GALNT18: variants seen among roughly 807,000 people sequenced by gnomAD.
The protein encoded by GALNT18 is GalNAc-transferase 18.
In GALNT18, 44 loss-of-function variants were observed where a neutral mutation model predicts 69.5. The observed-to-expected ratio is 0.63, with a 90% CI of 0.50 to 0.81. GALNT18 has a LOEUF of 0.81. GALNT18 is among the 40% of genes least tolerant of loss of function. The pLI is 0.00. For synonymous variants in GALNT18, 364 were observed against 318.2 expected (o/e 1.14, Z -1.53); for missense variants, 715 against 810.0 (o/e 0.88, Z 1.42).
chr11:11,362,371 C>T (rs1850662328), intron 6 of GALNT18, among the ~76,000 whole-genome samples: 1 of 151,976 alleles, frequency 6.6e-6, no homozygotes, highest in Admixed American at 6.6e-5. Flanking sequence ...GCAAAACAAA[C>T]AAACAAACAA....
intron 1 of GALNT18, among the ~76,000 whole-genome samples, chr11:11,472,701 TA>T (rs1419853055): frequency 3.3e-5 from 5 of 152,204 alleles, no homozygotes; most frequent in African/African-American, 1.2e-4. Flanking sequence ...AAACACAAAC[TA>T]AATGCCAGAC....
At chr11:11,559,590 G>A (rs1053141758) in intron 1 of GALNT18, among the ~76,000 whole-genome samples, 12 of 151,808 alleles carry the variant, frequency 7.9e-5, no homozygotes, top group Non-Finnish European at 1.6e-4. Flanking sequence ...AAATGGGATA[G>A]GATGGGATAG....
chr11:11,498,745 G>C (rs1156483693), intron 1 of GALNT18, among the ~76,000 whole-genome samples: 1 of 152,196 alleles, frequency 6.6e-6, no homozygotes, highest in African/African-American at 2.4e-5. Context: ...GTTGCAATGA[G>C]CCAAGATCAT....
chr11:11,307,039 G>A (rs757841719), intron 9 of GALNT18, among the ~76,000 whole-genome samples: 12 of 152,154 alleles, frequency 7.9e-5, no homozygotes, highest in Non-Finnish European at 1.8e-4. Context: ...CACTCCAGCC[G>A]ACTGTCAGCC....
At chr11:11,460,454 G>A (rs190483189) in intron 1 of GALNT18, among the ~76,000 whole-genome samples, 23 of 152,316 alleles carry the variant, frequency 1.5e-4, no homozygotes, top group Admixed American at 7.2e-4. Flanking sequence ...AACACACCCC[G>A]TACAATCTGG....
At chr11:11,334,386 C>CAAA (rs1481271494) in intron 7 of GALNT18, among the ~76,000 whole-genome samples, 1 of 151,650 alleles carries the variant, frequency 6.6e-6, no homozygotes, top group Non-Finnish European at 1.5e-5. Context: ...ACTAAAAATA[C>CAAA]AAAAAAATTA....
At chr11:11,460,405 G>A (rs998437226) in intron 1 of GALNT18, among the ~76,000 whole-genome samples, 1 of 152,194 alleles carries the variant, frequency 6.6e-6, no homozygotes, top group Non-Finnish European at 1.5e-5. Context: ...ACTACTCTGA[G>A]CAAAATGGCT....
intron 9 of GALNT18, among the ~76,000 whole-genome samples, chr11:11,302,100 T>C: frequency 6.6e-6 from 1 of 152,030 alleles, no homozygotes; most frequent in African/African-American, 2.4e-5. Flanking sequence ...ATTTGAAAAA[T>C]GATAGTGCCA....
At chr11:11,395,931 A>G (rs1854315655) in intron 3 of GALNT18, among the ~76,000 whole-genome samples, 1 of 151,912 alleles carries the variant, frequency 6.6e-6, no homozygotes, top group Non-Finnish European at 1.5e-5. Flanking sequence ...GACTCTCAGA[A>G]CCAGTGGGCA....
At chr11:11,342,789 C>A (rs1010235682) in intron 6 of GALNT18, among the ~76,000 whole-genome samples, 16 of 152,230 alleles carry the variant, frequency 1.1e-4, no homozygotes, top group African/African-American at 3.1e-4. Context: ...TGCTCCATGC[C>A]TACTATGTGA....
intron 6 of GALNT18, among the ~76,000 whole-genome samples, chr11:11,365,126 T>A (rs180870455): frequency 4.9e-4 from 74 of 152,252 alleles, no homozygotes; most frequent in African/African-American, 1.4e-3. Flanking sequence ...TATGGACCCA[T>A]CCTTTAAGTT....
chr11:11,315,782 G>A lies in GALNT18; in HGVS notation c.1512+11304C>T, dbSNP rs775482944. Among the ~76,000 whole-genome samples the A allele has an allele frequency of 3.9e-5, 6 of 151,906 alleles. No homozygotes were observed. The highest frequency in any genetic ancestry group is 8.8e-5 in the Non-Finnish European group (6 of 67,982). ...TCATACATGTGGTACGGGCAGAACTGGGCCTGGACCCCCAGCCCTTATCTG... is the reference window on the plus strand; with the variant it reads ...TCATACATGTGGTACGGGCAGAACTAGGCCTGGACCCCCAGCCCTTATCTG... On this transcript the variant is annotated intron_variant, in intron 9 of 10. Transcript: ENST00000227756. This position sits in a 1 kb window ranked among gnomAD's most constrained non-coding sequence, Gnocchi z 5.6.
chr11:11,319,197 G>T (rs1245069389), intron 9 of GALNT18, among the ~76,000 whole-genome samples: 1 of 148,802 alleles, frequency 6.7e-6, no homozygotes, highest in Admixed American at 7.1e-5. Context: ...GGGCCAGCCT[G>T]CAGTCCTGCC....
intron 1 of GALNT18, among the ~76,000 whole-genome samples, chr11:11,495,595 G>C (rs1390956170): frequency 6.6e-6 from 1 of 152,156 alleles, no homozygotes; most frequent in Non-Finnish European, 1.5e-5. Flanking sequence ...AGTCACGTGT[G>C]GCAGCCTCCA....
intron 9 of GALNT18, among the ~76,000 whole-genome samples, chr11:11,304,763 G>A (rs1024489809): frequency 2.6e-5 from 4 of 152,156 alleles, no homozygotes; most frequent in African/African-American, 7.2e-5. Context: ...GAACGTGAGC[G>A]GGAGTGACAG....
chr11:11,480,319 C>T lies in GALNT18; in HGVS notation c.236-31383G>A, dbSNP rs976255302. Among the ~76,000 whole-genome samples the T allele has an allele frequency of 1.3e-5, 2 of 152,068 alleles. No individual in the cohort carries two copies. The highest frequency in any genetic ancestry group is 6.5e-5 in the Admixed American group (1 of 15,268). On this transcript the variant is annotated intron_variant, in intron 1 of 10. Coordinates refer to ENST00000227756, the MANE Select transcript of GALNT18 (RefSeq NM_198516.3). The surrounding 1 kb of genome is among the most constrained non-coding windows in gnomAD (Gnocchi z 4.6). ...ACCTCAGTCATATCCCAATAACTGA[C>T]CCTCAGTCTCTGTTATTTGTTCTTT...
rs145669197 is a variant in GALNT18 at position 11,315,697 on chromosome 11, C to G, written c.1512+11389G>C. ...CAATCATTCAGTGATGTGCAAGTTA[C>G]ATCCCAACTTTACAGATTATGAACC... is the stretch of plus-strand genomic sequence containing the variant. On this transcript the variant is annotated intron_variant, in intron 9 of 10. Transcript: ENST00000227756. This position sits in a 1 kb window ranked among gnomAD's most constrained non-coding sequence, Gnocchi z 5.6. Among the ~76,000 whole-genome samples the G allele has an allele frequency of 1.3e-5, 2 of 152,210 alleles. No individual in the cohort carries two copies. Among genetic ancestry groups the G allele is most frequent in the Non-Finnish European group, 2.9e-5 (2 of 68,038 alleles).
At position 11,494,877 on chromosome 11, in the gene GALNT18, C is replaced by G. The variant is rs1017141292; in HGVS notation, c.236-45941G>C. Among the ~76,000 whole-genome samples the G allele has an allele frequency of 5.3e-5, 8 of 152,192 alleles. No homozygotes were observed. The highest frequency in any genetic ancestry group is 2.0e-4 in the Admixed American group (3 of 15,290). ...CAACCATGATCATCTGGGAGTGTTG[C>G]AAATCAGATGCCAAATTCCACCAAA... On this transcript the variant is annotated intron_variant, in intron 1 of 10. Transcript: ENST00000227756. The surrounding 1 kb of genome is among the most constrained non-coding windows in gnomAD (Gnocchi z 5.7).
intron 6 of GALNT18, among the ~76,000 whole-genome samples, chr11:11,364,939 G>A (rs920202438): frequency 6.6e-6 from 1 of 152,114 alleles, no homozygotes; most frequent in Non-Finnish European, 1.5e-5. Context: ...CAACTGCAAC[G>A]GGATTTATTT....
Sources: allele counts gnomAD v4.1 joint callset (sites outside exome capture counted in the v4.1 genomes callset), GRCh38; gene constraint gnomAD v4.1.1; non-coding constraint Gnocchi (gnomAD v3.1); transcripts MANE v1.5; gene names NCBI Gene and HGNC (gene_info 2026-07-23, HGNC 2026-07-21).